SLF1: variants seen among roughly 807,000 people sequenced by gnomAD.
SLF1 encodes SMC5-SMC6 complex localization factor protein 1.
In SLF1, 105 loss-of-function variants were observed where a neutral mutation model predicts 123.0. That is an observed-to-expected ratio of 0.85 (90% CI 0.73 to 1.00). The LOEUF is 1.00. Among genes scored for constraint, SLF1 ranks in the 50% least tolerant of loss-of-function variants. The pLI, the probability that SLF1 is intolerant of heterozygous loss-of-function variation, is 0.00. For synonymous variants in SLF1, 434 were observed against 406.6 expected (o/e 1.07, Z -0.81); for missense variants, 1,239 against 1,223.0 (o/e 1.01, Z -0.20).
intron 15 of SLF1, 102 bp downstream of exon 15, chr5:94,679,057 T>G: frequency 7.3e-7 from 1 of 1,379,084 alleles, no homozygotes; most frequent in Non-Finnish European, 9.9e-7. Context: ...CATTTGAAAC[T>G]TTCCTTAAAA....
chr5:94,649,739 T>C lies in SLF1; in HGVS notation c.738+142T>C, dbSNP rs80328863. 932 of 754,320 alleles carry C rather than the reference T, an allele frequency of 1.2e-3. 10 individuals are homozygous for C. The East Asian group carries it at 0.017, about 14-fold the overall frequency. 46.7% of individuals were successfully genotyped at this position (754,320 alleles called of 1,614,324 possible). A position where few individuals can be genotyped will look rare whatever the true frequency, so the allele number is the denominator to read the frequency against. ...GTGTTTATAGTCTGTGACTTGAACATGTTAGGAAATTGTCCTATGTCTCTG... is the reference window on the plus strand; with the variant it reads ...GTGTTTATAGTCTGTGACTTGAACACGTTAGGAAATTGTCCTATGTCTCTG... On this transcript the variant is annotated intron_variant, in intron 6 of 20. Coordinates refer to ENST00000265140, the MANE Select transcript of SLF1 (RefSeq NM_032290.4).
chr5:94,666,953 C>CTTTTTTT (rs34215806), intron 12 of SLF1, among the ~76,000 whole-genome samples: 37 of 104,562 alleles, frequency 3.5e-4, no homozygotes, highest in East Asian at 6.8e-4. Context: ...CTGGGAAGAT[C>CTTTTTTT]TTTTTTTTTT....
intron 14 of SLF1, among the ~76,000 whole-genome samples, chr5:94,675,417 G>A (rs1351109839): frequency 1.3e-5 from 2 of 152,154 alleles, no homozygotes; most frequent in Non-Finnish European, 2.9e-5. Context: ...AGTATTCCAA[G>A]AAAGCTGTTT....
chr5:94,634,254 A>T (rs1248204111), intron 4 of SLF1, among the ~76,000 whole-genome samples: 1 of 151,754 alleles, frequency 6.6e-6, no homozygotes, highest in African/African-American at 2.4e-5. Flanking sequence ...ATTTTTATTT[A>T]TTTTTTTCTA....
At chr5:94,680,932 A>G (rs746811172) in intron 15 of SLF1, among the ~76,000 whole-genome samples, 10 of 152,186 alleles carry the variant, frequency 6.6e-5, no homozygotes. Context: ...TTTGCTCCCA[A>G]AGATCTATTA....
At chr5:94,636,160 G>A (rs758327659) in intron 4 of SLF1, among the ~76,000 whole-genome samples, 5 of 152,012 alleles carry the variant, frequency 3.3e-5, no homozygotes, top group Non-Finnish European at 5.9e-5. Context: ...TGGTAATTAC[G>A]TTCAGACTCT....
intron 7 of SLF1, 87 bp downstream of exon 7, chr5:94,651,932 A>T (rs1747772025): frequency 1.5e-6 from 1 of 653,302 alleles, no homozygotes; most frequent in Admixed American, 4.4e-5. Context: ...AAAATATATA[A>T]AAATGAGTTA....
rs1750619913 is a variant in SLF1, at chr5:94,672,794, CTGT to C, written c.1827+1794_1827+1796del. 3.9e-5 allele frequency among the ~76,000 whole-genome samples: 6 copies of C among 152,048 alleles called. No homozygotes were observed. The South Asian group carries it at 1.2e-3, about 32-fold the overall frequency. ...ATCTGAAGTCTTTATGGGTCTGTTT[CTGT>C]TGTTGTTTTTGCTGTTTCCTTCTCT... On this transcript the variant is annotated intron_variant, in intron 14 of 20. Coordinates refer to ENST00000265140, the MANE Select transcript of SLF1 (RefSeq NM_032290.4).
intron 4 of SLF1, among the ~76,000 whole-genome samples, chr5:94,632,388 G>A (rs553634925): frequency 5.7e-4 from 86 of 152,124 alleles, no homozygotes; most frequent in Non-Finnish European, 9.1e-4. Context: ...TTGTATTTCC[G>A]TACACATTTT....
rs956368559 is a variant in SLF1 at position 94,670,232 on chromosome 5, A to G, written c.1614A>G (p.Lys538=). 6.6e-7 allele frequency: 1 copy of G among 1,516,002 alleles called. No individual in the cohort carries two copies. The highest frequency in any genetic ancestry group is 8.8e-7 in the Non-Finnish European group (1 of 1,134,586). 93.9% of individuals were successfully genotyped at this position (1,516,002 alleles called of 1,614,324 possible). The change falls in exon 13 of 21, where the codon AAA becomes AAG. Residue 538 remains lysine, a synonymous_variant. Coordinates refer to ENST00000265140, the MANE Select transcript of SLF1 (RefSeq NM_032290.4). ...AGGTGCTCCACCTGACGCTACTCAA[A>G]TTTTTCTTTAATTTAATTGAAAGTG... ...GSKVLHLTLL[K]FFFNLIESEV... is the part of the protein sequence containing the mutation.
chr5:94,661,958 C>A (rs1749173953), intron 9 of SLF1, among the ~76,000 whole-genome samples: 1 of 152,092 alleles, frequency 6.6e-6, no homozygotes, highest in Admixed American at 6.5e-5. Flanking sequence ...GCAAACATAA[C>A]TGATGTTTTT....
chr5:94,632,004 C>T (rs983445038), intron 4 of SLF1, among the ~76,000 whole-genome samples: 1 of 148,888 alleles, frequency 6.7e-6, no homozygotes, highest in East Asian at 2.0e-4. Flanking sequence ...TTAAATTAGC[C>T]AGGCTTGGTG....
intron 14 of SLF1, among the ~76,000 whole-genome samples, 198 bp downstream of exon 14, chr5:94,671,206 G>A (rs1027445574): frequency 4.6e-5 from 7 of 151,820 alleles, no homozygotes; most frequent in African/African-American, 1.4e-4. Flanking sequence ...ATGTTTGCAT[G>A]TAGTAGCTAG....
intron 7 of SLF1, among the ~76,000 whole-genome samples, chr5:94,652,477 TTA>T (rs1182629856): frequency 2.0e-5 from 3 of 152,230 alleles, no homozygotes; most frequent in East Asian, 1.9e-4. Context: ...ATTTTATAGT[TTA>T]TGTTATTTAT....
chr5:94,656,182 T>C (rs1748356063), intron 9 of SLF1, among the ~76,000 whole-genome samples: 1 of 152,076 alleles, frequency 6.6e-6, no homozygotes, highest in African/African-American at 2.4e-5. Context: ...TTAAAAGCTT[T>C]TTTGCATATA....
intron 18 of SLF1, among the ~76,000 whole-genome samples, chr5:94,690,641 C>T (rs1030011545): frequency 2.0e-5 from 3 of 152,048 alleles, no homozygotes; most frequent in Non-Finnish European, 4.4e-5. Flanking sequence ...ATCTGTAAAA[C>T]TGAACACTGT....
intron 9 of SLF1, among the ~76,000 whole-genome samples, chr5:94,656,059 A>G (rs1361513973): frequency 2.6e-5 from 4 of 151,994 alleles, no homozygotes; most frequent in Non-Finnish European, 5.9e-5. Flanking sequence ...TGGTTTTCCC[A>G]TTTCACATAA....
At chr5:94,693,216 C>T (rs1186256485) in intron 20 of SLF1, among the ~76,000 whole-genome samples, 3 of 152,024 alleles carry the variant, frequency 2.0e-5, no homozygotes, top group Non-Finnish European at 4.4e-5. Flanking sequence ...TATATATAGT[C>T]TTCTCCTGCC....
chr5:94,668,332 A>AGTTT (rs948880154), intron 12 of SLF1, among the ~76,000 whole-genome samples: 1 of 151,292 alleles, frequency 6.6e-6, no homozygotes, highest in African/African-American at 2.4e-5. Context: ...TTGTGGTTGT[A>AGTTT]GTTTGTTTGT....
Sources: gnomAD v4.1 joint callset for allele counts (sites outside exome capture counted in the v4.1 genomes callset) on GRCh38, gnomAD v4.1.1 for gene constraint, MANE v1.5 for transcripts, NCBI Gene and HGNC (gene_info 2026-07-23, HGNC 2026-07-21) for gene names.